The following KCNN3 variants were observed in gnomAD, a reference collection of about 807,000 sequenced individuals.
KCNN3 encodes small conductance calcium-activated potassium channel protein 3.
A neutral mutation model predicts 62.9 loss-of-function variants in KCNN3; 16 were observed. The observed-to-expected ratio is 0.25, with a 90% CI of 0.17 to 0.39. KCNN3 has a LOEUF of 0.39. Among genes scored for constraint, KCNN3 ranks in the 10% least tolerant of loss-of-function variants. KCNN3 has a pLI of 1.00. For synonymous variants in KCNN3, 370 were observed against 389.2 expected, an observed-to-expected ratio of 0.95 and a Z score of 0.58; for missense variants, 599 against 949.4, an observed-to-expected ratio of 0.63 and a Z score of 4.85.
rs192254551 is a variant in KCNN3 at position 154,751,974 on chromosome 1, T to C, written c.1449-18830A>G. 3.3e-3 allele frequency among the ~76,000 whole-genome samples: 507 copies of C among 152,226 alleles called. 2 individuals are homozygous for C. Among genetic ancestry groups the C allele is most frequent in the African/African-American group, 0.012 (492 of 41,518 alleles). On this transcript the variant is annotated intron_variant, in intron 3 of 7. Coordinates refer to ENST00000271915, the MANE Select transcript of KCNN3 (RefSeq NM_002249.6). ...AAAGAGCCCAGACAGTTGTGTAAAG[T>C]GCCAGAAAGCAAACAGATGGGGAGG...
chr1:154,791,140 A>T (rs1459617691), intron 2 of KCNN3, among the ~76,000 whole-genome samples: 1 of 151,564 alleles, frequency 6.6e-6, no homozygotes, highest in Non-Finnish European at 1.5e-5. Flanking sequence ...GAGGCAGGAG[A>T]ATCACTTGAA....
intron 4 of KCNN3, among the ~76,000 whole-genome samples, chr1:154,732,108 T>C (rs1253047213): frequency 6.6e-6 from 1 of 152,214 alleles, no homozygotes; most frequent in Admixed American, 6.5e-5. Flanking sequence ...TTGCATTTGG[T>C]CCTTGCACAA....
intron 7 of KCNN3, among the ~76,000 whole-genome samples, chr1:154,712,444 C>T (rs1047964221): frequency 6.6e-6 from 1 of 152,166 alleles, no homozygotes; most frequent in African/African-American, 2.4e-5. Context: ...ACTTACTCCC[C>T]GATTGAAGTC....
chr1:154,869,483 AG>A lies in KCNN3; in HGVS notation c.481del (p.Leu161TrpfsTer15). 1 of 1,614,068 alleles carries A rather than the reference AG, an allele frequency of 6.2e-7. No homozygotes were observed. The highest frequency in any genetic ancestry group is 8.5e-7 in the Non-Finnish European group (1 of 1,180,016). On this transcript the variant is annotated frameshift_variant, in exon 1 of 8. Transcript: ENST00000271915. LOFTEE classifies it high-confidence loss of function. The surrounding 1 kb of genome is among the most constrained non-coding windows in gnomAD (Gnocchi z 6.1). ...GGGGTTGCTGTCCCGCCGGTGCACC[AG>A]GGGGCTGGCCTGTCGGTGCCGGCTG... is the stretch of plus-strand genomic sequence containing the variant. Reference protein sequence around the residue: ...GGSRHRQASPLVHRRDSNPFT... With the variant: ...GGSRHRQASPXVHRRDSNPFT...
At chr1:154,834,595 T>G (rs918389244) in intron 1 of KCNN3, among the ~76,000 whole-genome samples, 1 of 152,188 alleles carries the variant, frequency 6.6e-6, no homozygotes, top group Non-Finnish European at 1.5e-5. Context: ...CCCCTACAGG[T>G]GTTGCCTCTA....
Position 154,869,451 on chromosome 1 carries a change from C to T in KCNN3, c.514G>A (p.Glu172Lys). The T allele has an allele frequency of 6.2e-7, 1 of 1,614,080 alleles. No individual in the cohort carries two copies. The highest frequency in any genetic ancestry group is 8.5e-7 in the Non-Finnish European group (1 of 1,179,986). ...VHRRDSNPFT[E>K]IAMSSCKYSG... ...TACTTGCAGGAGCTCATGGCGATCTCCGTGAAGGGGTTGCTGTCCCGCCGG... is the reference window on the plus strand; with the variant it reads ...TACTTGCAGGAGCTCATGGCGATCTTCGTGAAGGGGTTGCTGTCCCGCCGG... The change falls in exon 1 of 8, where the codon GAG (glutamate) becomes AAG (lysine). Residue 172 changes from glutamate to lysine, a missense_variant. This residue lies in a region of KCNN3 where 112 missense variants were observed against 142.9 expected (regional missense o/e 0.78). Transcript: ENST00000271915. The surrounding 1 kb of genome is among the most constrained non-coding windows in gnomAD (Gnocchi z 6.1).
intron 2 of KCNN3, among the ~76,000 whole-genome samples, chr1:154,796,272 C>T (rs1649732238): frequency 6.6e-6 from 1 of 152,174 alleles, no homozygotes; most frequent in Admixed American, 6.5e-5. Context: ...GTCTGGCCTC[C>T]CAGGACCATT....
At chr1:154,801,516 C>A (rs1045792340) in intron 2 of KCNN3, among the ~76,000 whole-genome samples, 1 of 152,212 alleles carries the variant, frequency 6.6e-6, no homozygotes, top group Non-Finnish European at 1.5e-5. Context: ...CTCGCTCCCA[C>A]CCCCTGAAAG....
chr1:154,749,946 C>T (rs375089574), intron 3 of KCNN3, among the ~76,000 whole-genome samples: 12 of 152,178 alleles, frequency 7.9e-5, no homozygotes, highest in South Asian at 2.1e-4. Flanking sequence ...GCCTGGGCTA[C>T]GCAGAAAGGC....
In KCNN3 at chr1:154,706,538, T is replaced by G. The variant is rs1041092595; in HGVS notation, c.*1438A>C. The G allele has an allele frequency of 3.3e-5, 5 of 152,230 alleles. No homozygotes were observed. The highest frequency in any genetic ancestry group is 1.2e-4 in the African/African-American group (5 of 41,456). 9.4% of individuals were successfully genotyped at this position (152,230 alleles called of 1,614,324 possible). ...CGCTCATTACACTAAATCTTGATGT[T>G]TCTGAAGTCTCTTGGAGTTTGAGAT... On this transcript the variant is annotated 3_prime_UTR_variant, in exon 8 of 8. Transcript: ENST00000271915.
intron 2 of KCNN3, among the ~76,000 whole-genome samples, chr1:154,780,646 T>G (rs894320173): frequency 1.3e-5 from 2 of 150,976 alleles, no homozygotes; most frequent in Non-Finnish European, 2.9e-5. Flanking sequence ...GAGCATATAT[T>G]CTGCATGTAC....
chr1:154,738,087 C>T (rs908422641), intron 3 of KCNN3, among the ~76,000 whole-genome samples: 3 of 152,128 alleles, frequency 2.0e-5, no homozygotes, highest in African/African-American at 7.2e-5. Flanking sequence ...ATCCCCAGAA[C>T]TTAAGGGCAT....
At chr1:154,830,949 C>T (rs1029205500) in intron 1 of KCNN3, among the ~76,000 whole-genome samples, 3 of 152,198 alleles carry the variant, frequency 2.0e-5, no homozygotes, top group African/African-American at 7.2e-5. Context: ...AGATGGTTTC[C>T]TTTATAAGGT....
rs1027267263 is a variant in KCNN3 at position 154,733,243 on chromosome 1, T to C, written c.1449-99A>G. The stretch of plus-strand genomic sequence containing the variant: ...CGGGGAAGGAAATGAGATATTTTGC[T>C]GAGGAAGAGGCAGCAGTGACGGTGG... On this transcript the variant is annotated intron_variant, in intron 3 of 7. Transcript: ENST00000271915. 46 of 1,287,614 alleles carry C rather than the reference T, an allele frequency of 3.6e-5. 1 individual carries two copies. In the Admixed American group the frequency reaches 7.8e-4, roughly 22 times the overall value. 79.8% of individuals were successfully genotyped at this position (1,287,614 alleles called of 1,614,324 possible).
intron 3 of KCNN3, among the ~76,000 whole-genome samples, chr1:154,746,999 C>A (rs985643230): frequency 6.6e-5 from 10 of 152,150 alleles, no homozygotes; most frequent in African/African-American, 1.9e-4. Context: ...TGCTCATTAC[C>A]TGCCCTCTCC....
intron 3 of KCNN3, among the ~76,000 whole-genome samples, chr1:154,741,075 AT>A (rs1700814183): frequency 1.3e-5 from 2 of 152,158 alleles, no homozygotes; most frequent in East Asian, 3.8e-4. Flanking sequence ...ATTTTTACAT[AT>A]TTTAAAATGT....
intron 1 of KCNN3, among the ~76,000 whole-genome samples, chr1:154,827,296 C>A (rs1241459738): frequency 1.3e-5 from 2 of 152,124 alleles, no homozygotes; most frequent in Non-Finnish European, 2.9e-5. Context: ...CAAATTAAAC[C>A]AGCCCCTCTT....
chr1:154,739,388 C>T (rs1456087513), intron 3 of KCNN3, among the ~76,000 whole-genome samples: 3 of 152,068 alleles, frequency 2.0e-5, no homozygotes, highest in Admixed American at 6.5e-5. Context: ...TTCTTAGTGC[C>T]CCCCACCCCA....
chr1:154,726,673 C>T (rs950959326), intron 4 of KCNN3, among the ~76,000 whole-genome samples: 1 of 152,238 alleles, frequency 6.6e-6, no homozygotes, highest in African/African-American at 2.4e-5. Flanking sequence ...TGACTCAGCA[C>T]AAGGAATCGG....
Sources: allele counts gnomAD v4.1 joint callset (sites outside exome capture counted in the v4.1 genomes callset), GRCh38; gene constraint gnomAD v4.1.1; regional missense constraint gnomAD v4.1.1; non-coding constraint Gnocchi (gnomAD v3.1); transcripts MANE v1.5; gene names NCBI Gene and HGNC (gene_info 2026-07-23, HGNC 2026-07-21).